Variants in CFAP221 observed in about 807,000 individuals in gnomAD.
CFAP221 encodes cilia- and flagella-associated protein 221.
CFAP221 carries 97 observed loss-of-function variants against 113.1 expected under a neutral mutation model. That is an observed-to-expected ratio of 0.86 (90% CI 0.73 to 1.02). CFAP221 has a LOEUF of 1.02. CFAP221 is among the 50% of genes least tolerant of loss of function. CFAP221 has a pLI of 0.00. For missense variants in CFAP221, 1,025 were observed against 1,013.4 expected (o/e 1.01, Z -0.16); for synonymous variants, 331 against 354.4 (o/e 0.93, Z 0.74).
intron 7 of CFAP221, among the ~76,000 whole-genome samples, chr2:119,593,325 G>A (rs1374287585): frequency 6.6e-6 from 1 of 152,130 alleles, no homozygotes; most frequent in East Asian, 1.9e-4. Flanking sequence ...GTGTTAGTCT[G>A]TGTCTTGCTA....
At chr2:119,554,835 G>T (rs551499716) in intron 3 of CFAP221, among the ~76,000 whole-genome samples, 1 of 152,252 alleles carries the variant, frequency 6.6e-6, no homozygotes, top group South Asian at 2.1e-4. Context: ...AACTTATAAG[G>T]CTGCTTGAAT....
chr2:119,611,547 G>A (rs1314456839), intron 12 of CFAP221, 106 bp from the exon 13 acceptor site: 10 of 881,914 alleles, frequency 1.1e-5, no homozygotes, highest in Middle Eastern at 2.3e-4. Flanking sequence ...TGGGAACGTC[G>A]TGGGTGGATT....
intron 3 of CFAP221, among the ~76,000 whole-genome samples, chr2:119,554,830 A>T (rs937311235): frequency 6.6e-6 from 1 of 152,244 alleles, no homozygotes; most frequent in Non-Finnish European, 1.5e-5. Context: ...TAAAGAACTT[A>T]TAAGGCTGCT....
intron 7 of CFAP221, 145 bp downstream of exon 7, chr2:119,587,367 T>G (rs958229431): frequency 4.1e-6 from 2 of 487,374 alleles, no homozygotes; most frequent in African/African-American, 2.0e-5. Context: ...AACGACACTT[T>G]GGGATCATTT....
chr2:119,657,956 C>A (rs1688492256), downstream of CFAP221, among the ~76,000 whole-genome samples: 1 of 152,292 alleles, frequency 6.6e-6, no homozygotes, highest in Middle Eastern at 3.4e-3. Context: ...ACCTTGGTTG[C>A]TTGGCTAAAG....
intron 15 of CFAP221, 92 bp from the exon 16 acceptor site, chr2:119,627,561 A>T: frequency 8.1e-7 from 1 of 1,237,610 alleles, no homozygotes; most frequent in Non-Finnish European, 1.1e-6. Flanking sequence ...CCACCCACTA[A>T]TTGGTATATG....
chr2:119,621,820 A>G (rs1201582023), intron 14 of CFAP221, among the ~76,000 whole-genome samples: 1 of 152,252 alleles, frequency 6.6e-6, no homozygotes, highest in Non-Finnish European at 1.5e-5. Context: ...ACAGAAATAA[A>G]TAAGTTATTT....
chr2:119,576,680 A>G (rs997197138), intron 6 of CFAP221, among the ~76,000 whole-genome samples: 23 of 152,198 alleles, frequency 1.5e-4, no homozygotes, highest in Non-Finnish European at 2.8e-4. Context: ...CTCCAATCCC[A>G]GTGAGATTGA....
intron 7 of CFAP221, 84 bp from the exon 8 acceptor site, chr2:119,601,134 C>T (rs1292080623): frequency 9.4e-6 from 12 of 1,277,158 alleles, no homozygotes; most frequent in Non-Finnish European, 1.0e-5. Context: ...GTCAGAGGGT[C>T]AGCCATATTT....
At chr2:119,597,945 T>G (rs1684106446) in intron 7 of CFAP221, among the ~76,000 whole-genome samples, 1 of 152,200 alleles carries the variant, frequency 6.6e-6, no homozygotes, top group Non-Finnish European at 1.5e-5. Flanking sequence ...CCAGTCCTTC[T>G]GTTGCTTAGG....
intron 12 of CFAP221, among the ~76,000 whole-genome samples, chr2:119,610,320 AG>A (rs1332629246): frequency 6.6e-6 from 1 of 152,142 alleles, no homozygotes; most frequent in African/African-American, 2.4e-5. Flanking sequence ...GAGTCCTGGC[AG>A]GTGACCCAGT....
intron 14 of CFAP221, among the ~76,000 whole-genome samples, chr2:119,622,031 G>A (rs1574157383): frequency 6.6e-6 from 1 of 152,266 alleles, no homozygotes; most frequent in Non-Finnish European, 1.5e-5. Context: ...CAGAACTGAA[G>A]GAGATAGAGA....
chr2:119,588,328 C>A (rs1263288798), intron 7 of CFAP221, among the ~76,000 whole-genome samples: 1 of 152,052 alleles, frequency 6.6e-6, no homozygotes, highest in East Asian at 1.9e-4. Context: ...GACAGGAGTC[C>A]AGGAATTCGT....
rs1376027300 is a variant in CFAP221 at position 119,615,655 on chromosome 2, CA to C, written c.1357del (p.Thr453LeufsTer15). ...CTACTTTTGATCCACTCATTAATAA[CA>C]CTTGGCTCAGCAGGTCCAGGGCACA... ...HPTFDPLINN[T>X]WLSRSRAQKR... is the part of the protein sequence containing the mutation. On this transcript the variant is annotated frameshift_variant, in exon 14 of 24. Coordinates refer to ENST00000413369, the MANE Select transcript of CFAP221 (RefSeq NM_001271049.2). LOFTEE classifies it high-confidence loss of function. 1.9e-6 allele frequency: 3 copies of C among 1,612,872 alleles called. No homozygotes were observed. Among genetic ancestry groups the C allele is most frequent in the Non-Finnish European group, 2.5e-6 (3 of 1,179,558 alleles).
intron 21 of CFAP221, among the ~76,000 whole-genome samples, chr2:119,641,562 TC>T (rs1243506823): frequency 6.6e-6 from 1 of 152,172 alleles, no homozygotes; most frequent in African/African-American, 2.4e-5. Flanking sequence ...ATGAAGCCCT[TC>T]GAGCAATAAT....
At chr2:119,610,754 A>T (rs922625795) in intron 12 of CFAP221, among the ~76,000 whole-genome samples, 1 of 152,192 alleles carries the variant, frequency 6.6e-6, no homozygotes, top group African/African-American at 2.4e-5. Flanking sequence ...TTTATTCCAA[A>T]TAAGTCTTTT....
chr2:119,635,516 G>C lies in CFAP221; in HGVS notation c.1975-2743G>C, dbSNP rs574596818. ...GTGGCTGCCTGTGGATGGGTTGGGT[G>C]GATGGTGTGGAGGGGCAGGAAGTGA... is the stretch of plus-strand genomic sequence containing the variant. On this transcript the variant is annotated intron_variant, in intron 19 of 23. Transcript: ENST00000413369. Among the ~76,000 whole-genome samples, 4 of 152,220 alleles carry C rather than the reference G, an allele frequency of 2.6e-5. No individual in the cohort carries two copies. In the East Asian group the frequency reaches 7.7e-4, roughly 29 times the overall value.
At chr2:119,563,078 G>A (rs1367706591) in intron 6 of CFAP221, among the ~76,000 whole-genome samples, 3 of 151,896 alleles carry the variant, frequency 2.0e-5, no homozygotes, top group Admixed American at 6.6e-5. Context: ...TGCTAGAGCC[G>A]AGGAGTTTGA....
intron 14 of CFAP221, among the ~76,000 whole-genome samples, chr2:119,618,943 C>T (rs1467817419): frequency 1.3e-5 from 2 of 152,156 alleles, no homozygotes; most frequent in African/African-American, 4.8e-5. Context: ...AGGCGATTTT[C>T]CCCTCACAGT....
Sources: allele counts gnomAD v4.1 joint callset (sites outside exome capture counted in the v4.1 genomes callset), GRCh38; gene constraint gnomAD v4.1.1; transcripts MANE v1.5; gene names NCBI Gene and HGNC (gene_info 2026-07-23, HGNC 2026-07-21).